Variants in HMCN1 observed in about 807,000 individuals in gnomAD.
HMCN1 encodes hemicentin 1, also known as hemicentin-1.
In HMCN1, 321 loss-of-function variants were observed where a neutral mutation model predicts 625.9. That is an observed-to-expected ratio of 0.51 (90% confidence interval 0.47 to 0.56). The LOEUF is 0.56. Ranked by LOEUF, HMCN1 falls within the 20% of genes least tolerant of loss-of-function variation. The pLI, the probability that HMCN1 is intolerant of heterozygous loss-of-function variation, is 0.00. For missense variants in HMCN1, 6,588 were observed against 6,887.3 expected, an observed-to-expected ratio of 0.96 and a Z score of 1.54; for synonymous variants, 2,425 against 2,417.6, an observed-to-expected ratio of 1.00 and a Z score of -0.09.
At chr1:186,151,562 C>A (rs753095254) in intron 94 of HMCN1, 44 bp from the exon 95 acceptor site, 1 of 1,572,782 alleles carries the variant, frequency 6.4e-7, no homozygotes, top group South Asian at 1.1e-5. Flanking sequence ...ATAAAATAGA[C>A]TAAAAATTTT....
chr1:185,763,497 T>C (rs767800787), intron 1 of HMCN1, among the ~76,000 whole-genome samples: 2 of 152,236 alleles, frequency 1.3e-5, no homozygotes, highest in Admixed American at 6.5e-5. Context: ...TGGTTCCTTA[T>C]ATTAATTAGC....
At chr1:186,027,138 G>A (rs985042132) in intron 36 of HMCN1, among the ~76,000 whole-genome samples, 1 of 152,138 alleles carries the variant, frequency 6.6e-6, no homozygotes, top group African/African-American at 2.4e-5. Flanking sequence ...CTGTAGTAAG[G>A]GTGCCTGGTC....
At chr1:186,117,834 T>C (rs920184986) in intron 77 of HMCN1, among the ~76,000 whole-genome samples, 1 of 152,074 alleles carries the variant, frequency 6.6e-6, no homozygotes, top group African/African-American at 2.4e-5. Context: ...GGAAACAAAA[T>C]AACAATATCT....
chr1:186,119,904 T>C, intron 79 of HMCN1, 22 bp downstream of exon 79: 3 of 1,614,038 alleles, frequency 1.9e-6, no homozygotes, highest in South Asian at 1.1e-5. Context: ...TGTTTTTCTA[T>C]CAAGAAAATC....
intron 89 of HMCN1, 23 bp from the exon 90 acceptor site, chr1:186,144,150 A>G (rs1405472738): frequency 1.3e-6 from 2 of 1,563,588 alleles, no homozygotes; most frequent in East Asian, 4.5e-5. Context: ...GTGACTTGCA[A>G]CTGTCTTTTG....
chr1:185,924,553 A>C (rs1667177730), intron 8 of HMCN1, among the ~76,000 whole-genome samples: 1 of 152,182 alleles, frequency 6.6e-6, no homozygotes, highest in Non-Finnish European at 1.5e-5. Flanking sequence ...TAGAGTGGTA[A>C]GAATAGAACC....
At chr1:186,155,558 G>A (rs577748309) in intron 97 of HMCN1, among the ~76,000 whole-genome samples, 39 of 151,858 alleles carry the variant, frequency 2.6e-4, no homozygotes, top group African/African-American at 9.2e-4. Context: ...AATGATTTCT[G>A]AAAAGTCATG....
chr1:186,000,753 T>G (rs1393994987), intron 26 of HMCN1, among the ~76,000 whole-genome samples: 2 of 152,068 alleles, frequency 1.3e-5, no homozygotes, highest in African/African-American at 4.8e-5. Flanking sequence ...TATTTAATGT[T>G]CCTAACTGTA....
chr1:185,993,912 T>G (rs1459624419), intron 23 of HMCN1, among the ~76,000 whole-genome samples: 1 of 152,120 alleles, frequency 6.6e-6, no homozygotes, highest in Non-Finnish European at 1.5e-5. Flanking sequence ...CACTCTCAGA[T>G]GAATCACCAC....
intron 89 of HMCN1, 131 bp from the exon 90 acceptor site, chr1:186,144,042 C>A: frequency 1.3e-6 from 1 of 747,296 alleles, no homozygotes; most frequent in Non-Finnish European, 2.1e-6. Flanking sequence ...TGTTATGTTT[C>A]ATTTGGTTCA....
At chr1:185,941,154 C>T (rs1296071208) in intron 11 of HMCN1, among the ~76,000 whole-genome samples, 1 of 152,064 alleles carries the variant, frequency 6.6e-6, no homozygotes, top group African/African-American at 2.4e-5. Context: ...TGCACCTGGC[C>T]CTCTGAATAC....
intron 18 of HMCN1, 32 bp from the exon 19 acceptor site, chr1:185,984,137 T>A: frequency 6.3e-7 from 1 of 1,594,370 alleles, no homozygotes; most frequent in Non-Finnish European, 8.6e-7. Context: ...CCTTTCTTTT[T>A]AAATAAAAAT....
At chr1:186,025,277 C>T (rs139029699) in intron 36 of HMCN1, among the ~76,000 whole-genome samples, 1 of 152,270 alleles carries the variant, frequency 6.6e-6, no homozygotes, top group East Asian at 1.9e-4. Flanking sequence ...CAGCCATCAA[C>T]TGGTATCAGT....
intron 1 of HMCN1, among the ~76,000 whole-genome samples, chr1:185,764,535 G>T (rs1571319481): frequency 6.6e-6 from 1 of 152,098 alleles, no homozygotes; most frequent in South Asian, 2.1e-4. Context: ...CTGTCAGGCA[G>T]TATCCATTAA....
intron 4 of HMCN1, among the ~76,000 whole-genome samples, chr1:185,890,291 T>G (rs1267743280): frequency 6.7e-6 from 1 of 148,376 alleles, no homozygotes; most frequent in Non-Finnish European, 1.5e-5. Context: ...TTTGAAAGGT[T>G]TTTTGTGTCT....
At chr1:185,920,398 A>G (rs1666945306) in intron 6 of HMCN1, among the ~76,000 whole-genome samples, 1 of 152,194 alleles carries the variant, frequency 6.6e-6, no homozygotes. Flanking sequence ...CCTACTGTCT[A>G]CAGTATAGTA....
At chr1:185,940,491 G>A (rs1158517667) in intron 11 of HMCN1, among the ~76,000 whole-genome samples, 5 of 152,160 alleles carry the variant, frequency 3.3e-5, no homozygotes, top group African/African-American at 1.2e-4. Context: ...TTACTAATGA[G>A]CTAGTCTCTC....
chr1:186,068,868 C>CAAAAAAAAAAAAAAAAAAAAAAAAAAA (rs397862240), intron 50 of HMCN1, among the ~76,000 whole-genome samples: 1 of 76,774 alleles, frequency 1.3e-5, no homozygotes. Flanking sequence ...GACTCGGTCT[C>CAAAAAAAAAAAAAAAAAAAAAAAAAAA]AAAAAAAAAA....
At chr1:186,035,254 C>G (rs1044803760) in intron 36 of HMCN1, among the ~76,000 whole-genome samples, 3 of 152,070 alleles carry the variant, frequency 2.0e-5, no homozygotes, top group Non-Finnish European at 2.9e-5. Flanking sequence ...TAAATGAATA[C>G]AAAAGCAATT....
Sources: gnomAD v4.1 joint callset for allele counts (sites outside exome capture counted in the v4.1 genomes callset) on GRCh38, gnomAD v4.1.1 for gene constraint, MANE v1.5 for transcripts, NCBI Gene and HGNC (gene_info 2026-07-23, HGNC 2026-07-21) for gene names.